CNTNAP4: variants seen among roughly 807,000 people sequenced by gnomAD.
The protein encoded by CNTNAP4 is contactin associated protein family member 4, also known as contactin-associated protein-like 4.
Under a neutral mutation model 148.4 loss-of-function variants are expected in CNTNAP4, and 98 were observed. The ratio of observed to expected loss-of-function variants is 0.66; its 90% CI spans 0.56 to 0.78. The LOEUF is 0.78. CNTNAP4 is among the 30% of genes least tolerant of loss of function. CNTNAP4 has a pLI of 0.00. For missense variants in CNTNAP4, 1,935 were observed against 1,565.6 expected, an observed-to-expected ratio of 1.24 and a Z score of -3.98; for synonymous variants, 730 against 565.1, an observed-to-expected ratio of 1.29 and a Z score of -4.14.
chr16:76,359,786 A>G (rs964608407), intron 3 of CNTNAP4, among the ~76,000 whole-genome samples: 6 of 152,250 alleles, frequency 3.9e-5, no homozygotes, highest in African/African-American at 1.4e-4. Flanking sequence ...CTCAACATCT[A>G]TAATAAAAAG....
At chr16:76,528,657 C>T (rs1004914285) in intron 17 of CNTNAP4, among the ~76,000 whole-genome samples, 2 of 152,182 alleles carry the variant, frequency 1.3e-5, no homozygotes, top group African/African-American at 4.8e-5. Flanking sequence ...TGCTTCTTCA[C>T]CCTCTCTGCT....
intron 3 of CNTNAP4, among the ~76,000 whole-genome samples, chr16:76,356,149 A>G (rs1236619111): frequency 6.6e-6 from 1 of 152,162 alleles, no homozygotes; most frequent in Non-Finnish European, 1.5e-5. Context: ...TGCTGGGATT[A>G]TAGGCATGAG....
chr16:76,550,638 T>C (rs2084918711), intron 21 of CNTNAP4, among the ~76,000 whole-genome samples: 1 of 150,796 alleles, frequency 6.6e-6, no homozygotes, highest in Non-Finnish European at 1.5e-5. Context: ...TTTTTCTTTT[T>C]AATTTTTATT....
At chr16:76,300,891 G>T (rs9674155) in intron 1 of CNTNAP4, among the ~76,000 whole-genome samples, 3,709 of 151,966 alleles carry the variant, frequency 0.024, 150 homozygotes, top group African/African-American at 0.084. Context: ...CAAGGAAGGG[G>T]TATCTTTTAT....
At chr16:76,339,301 T>C (rs2144331201) in intron 2 of CNTNAP4, among the ~76,000 whole-genome samples, 1 of 152,298 alleles carries the variant, frequency 6.6e-6, no homozygotes, top group South Asian at 2.1e-4. Flanking sequence ...CCATTCAACA[T>C]ATAACATCTC....
At chr16:76,291,458 T>C (rs909607930) in intron 1 of CNTNAP4, among the ~76,000 whole-genome samples, 5 of 152,170 alleles carry the variant, frequency 3.3e-5, no homozygotes, top group African/African-American at 1.2e-4. Flanking sequence ...ACCCAAGAGT[T>C]TCTGATATCC....
At chr16:76,539,548 T>A (rs1184141155) in intron 19 of CNTNAP4, among the ~76,000 whole-genome samples, 171 bp from the exon 20 acceptor site, 1 of 152,032 alleles carries the variant, frequency 6.6e-6, no homozygotes, top group African/African-American at 2.4e-5. Flanking sequence ...ATTTTGCAAA[T>A]ACATTATTGC....
chr16:76,492,207 A>C (rs2082248200), intron 13 of CNTNAP4, among the ~76,000 whole-genome samples: 1 of 152,200 alleles, frequency 6.6e-6, no homozygotes, highest in African/African-American at 2.4e-5. Context: ...TATAGTTAAC[A>C]ACAATGTATT....
At chr16:76,316,211 A>C in intron 1 of CNTNAP4, 1 of 600,654 alleles carries the variant, frequency 1.7e-6, no homozygotes, top group Non-Finnish European at 3.0e-6. Flanking sequence ...AAGTATTTTC[A>C]TATTCTCCTG....
At chr16:76,310,319 T>A (rs1189961063) in intron 1 of CNTNAP4, among the ~76,000 whole-genome samples, 1 of 152,198 alleles carries the variant, frequency 6.6e-6, no homozygotes, top group Non-Finnish European at 1.5e-5. Context: ...AATTTCTGAA[T>A]GAAATCTTGA....
intron 17 of CNTNAP4, among the ~76,000 whole-genome samples, chr16:76,525,653 ATTAT>A (rs1363114112): frequency 4.1e-5 from 6 of 145,568 alleles, no homozygotes; most frequent in African/African-American, 1.5e-4. Flanking sequence ...AAACTATAAA[ATTAT>A]ATATAGTTAT....
In CNTNAP4 at chr16:76,293,194, G is replaced by A. The variant is rs369770399; in HGVS notation, c.85+15447G>A. On this transcript the variant is annotated intron_variant, in intron 1 of 23. Transcript: ENST00000611870. ...GGCTGGAGTGCAGTGGTGCAATCTC[G>A]GCTAACTGCAACCTCCACCTCCCGG... Among the ~76,000 whole-genome samples the A allele has an allele frequency of 2.8e-4, 42 of 151,176 alleles. No homozygotes were observed. In the East Asian group the frequency reaches 7.2e-3, roughly 26 times the overall value.
chr16:76,330,050 T>C (rs949979891), intron 2 of CNTNAP4, among the ~76,000 whole-genome samples: 4 of 152,296 alleles, frequency 2.6e-5, no homozygotes, highest in African/African-American at 9.6e-5. Flanking sequence ...ACAATCTTCT[T>C]TCTGGAATTT....
intron 10 of CNTNAP4, among the ~76,000 whole-genome samples, chr16:76,471,767 G>A (rs1568309559): frequency 1.3e-5 from 2 of 152,158 alleles, no homozygotes; most frequent in South Asian, 4.1e-4. Context: ...CTGAAGGCAT[G>A]GCCCTTTTGG....
chr16:76,368,078 T>A (rs1157239126), intron 3 of CNTNAP4, among the ~76,000 whole-genome samples: 3 of 152,204 alleles, frequency 2.0e-5, no homozygotes, highest in Admixed American at 2.0e-4. Flanking sequence ...AACATTGGGT[T>A]GCTCAGTAAT....
chr16:76,374,989 G>A (rs530498245), intron 3 of CNTNAP4, among the ~76,000 whole-genome samples: 2 of 151,782 alleles, frequency 1.3e-5, no homozygotes, highest in African/African-American at 2.4e-5. Context: ...GGCTGGTCTC[G>A]AACTCCTGAC....
In CNTNAP4 at chr16:76,445,783, C is replaced by G. The variant is rs561403590; in HGVS notation, c.539-2229C>G. ...AGCTAATTTCAAAAATAGTCTTTAC[C>G]TAAAATGAAATCATTACTGTCATAG... On this transcript the variant is annotated intron_variant, in intron 4 of 23. Coordinates refer to ENST00000611870, the MANE Select transcript of CNTNAP4 (RefSeq NM_033401.5). Among the ~76,000 whole-genome samples the G allele has an allele frequency of 2.6e-4, 40 of 152,170 alleles. 1 individual carries two copies. Among genetic ancestry groups the G allele is most frequent in the African/African-American group, 9.6e-4 (40 of 41,540 alleles).
At chr16:76,540,042 C>T (rs1000937008) in intron 20 of CNTNAP4, among the ~76,000 whole-genome samples, 190 bp downstream of exon 20, 12 of 152,054 alleles carry the variant, frequency 7.9e-5, no homozygotes, top group African/African-American at 1.2e-4. Context: ...TTATTAACAT[C>T]GGATACTTTA....
chr16:76,449,589 TTG>T (rs2080376617), intron 6 of CNTNAP4, 124 bp from the exon 7 acceptor site: 1 of 680,986 alleles, frequency 1.5e-6, no homozygotes, highest in South Asian at 3.3e-5. Flanking sequence ...ATCTTAATTT[TTG>T]TGTGTGTAGG....
Sources: allele counts gnomAD v4.1 joint callset (sites outside exome capture counted in the v4.1 genomes callset), GRCh38; gene constraint gnomAD v4.1.1; transcripts MANE v1.5; gene names NCBI Gene and HGNC (gene_info 2026-07-23, HGNC 2026-07-21).